The following ERC1 variants were observed in gnomAD, a reference collection of about 807,000 sequenced individuals.
ERC1 encodes ELKS/RAB6-interacting/CAST family member 1, also known as RAB6 interacting protein 2.
ERC1 carries 56 observed loss-of-function variants against 132.0 expected under a neutral mutation model. The observed-to-expected ratio is 0.42, with a 90% CI of 0.34 to 0.53. The LOEUF is 0.53. Among genes scored for constraint, ERC1 ranks in the 20% least tolerant of loss-of-function variants. ERC1 has a pLI of 0.03. For synonymous variants in ERC1, 478 were observed against 476.1 expected, an observed-to-expected ratio of 1.00 and a Z score of -0.05; for missense variants, 1,202 against 1,349.9, an observed-to-expected ratio of 0.89 and a Z score of 1.72.
chr12:1,003,948 C>T (rs1049154992), intron 1 of ERC1, among the ~76,000 whole-genome samples: 2 of 152,194 alleles, frequency 1.3e-5, no homozygotes, highest in Non-Finnish European at 1.5e-5. Flanking sequence ...GTTTTGTATT[C>T]TACAGCGCTG....
intron 13 of ERC1, among the ~76,000 whole-genome samples, chr12:1,243,770 C>G (rs1176903210): frequency 1.3e-5 from 2 of 152,088 alleles, no homozygotes; most frequent in African/African-American, 2.4e-5. Flanking sequence ...CGGATAGCCC[C>G]CACGGCAAAG....
intron 7 of ERC1, among the ~76,000 whole-genome samples, chr12:1,140,715 C>G (rs754401206): frequency 6.6e-6 from 1 of 152,152 alleles, no homozygotes; most frequent in African/African-American, 2.4e-5. Flanking sequence ...TTGCACTGTT[C>G]AGTCTGGTAG....
intron 15 of ERC1, among the ~76,000 whole-genome samples, chr12:1,355,886 A>C (rs1355764108): frequency 6.6e-6 from 1 of 152,146 alleles, no homozygotes; most frequent in Non-Finnish European, 1.5e-5. Context: ...CGTAAGGTAA[A>C]ATAGAGGTGC....
intron 13 of ERC1, among the ~76,000 whole-genome samples, chr12:1,243,877 G>A (rs2075992560): frequency 6.6e-6 from 1 of 152,210 alleles, no homozygotes; most frequent in African/African-American, 2.4e-5. Context: ...TACTGTGGAT[G>A]AAGTTTTCAT....
chr12:1,196,831 TGTCTGTCTCTCTGTCTGTCTCTCTCTCA>T (rs1373961005), intron 12 of ERC1, among the ~76,000 whole-genome samples: 952 of 104,052 alleles, frequency 9.1e-3, no homozygotes, highest in Middle Eastern at 0.021. Context: ...TCTCTCTCTC[TGTCTGTCTCTCTGTCTGTCTCTCTCTCA>T]CTCTCTCTCT....
At chr12:1,019,424 C>T (rs61918692) in intron 1 of ERC1, among the ~76,000 whole-genome samples, 40,628 of 152,074 alleles carry the variant, frequency 0.27, 5,655 homozygotes, top group Middle Eastern at 0.38. Flanking sequence ...CGTGCCCAGC[C>T]AAGACATTTT....
At chr12:1,253,689 A>G (rs1487057479) in intron 13 of ERC1, among the ~76,000 whole-genome samples, 1 of 152,124 alleles carries the variant, frequency 6.6e-6, no homozygotes, top group African/African-American at 2.4e-5. Flanking sequence ...AGAAAAAAAA[A>G]GGCAGTGGAG....
intron 15 of ERC1, among the ~76,000 whole-genome samples, chr12:1,358,216 CAA>C (rs546951526): frequency 4.9e-5 from 3 of 61,732 alleles, no homozygotes; most frequent in Non-Finnish European, 7.2e-5. Flanking sequence ...CTTGTCTGTT[CAA>C]AAAAAAAAAA....
intron 12 of ERC1, among the ~76,000 whole-genome samples, chr12:1,198,772 GGAGA>G (rs138296601): frequency 6.6e-6 from 1 of 152,112 alleles, no homozygotes; most frequent in African/African-American, 2.4e-5. Context: ...ATGGCCGGCA[GGAGA>G]GAGAGAGCCA....
chr12:1,390,259 T>A (rs1050807249), intron 16 of ERC1, among the ~76,000 whole-genome samples: 2 of 152,152 alleles, frequency 1.3e-5, no homozygotes, highest in African/African-American at 4.8e-5. Context: ...GATAAACCTG[T>A]CTCTTGATAT....
At chr12:1,359,656 C>G (rs533113018) in intron 15 of ERC1, among the ~76,000 whole-genome samples, 1 of 152,254 alleles carries the variant, frequency 6.6e-6, no homozygotes, top group South Asian at 2.1e-4. Context: ...CCTAGCATAC[C>G]CTAAGCGTTC....
At chr12:1,205,976 C>G (rs553903053) in intron 12 of ERC1, among the ~76,000 whole-genome samples, 4 of 152,044 alleles carry the variant, frequency 2.6e-5, no homozygotes, top group Non-Finnish European at 5.9e-5. Context: ...ACATAATTCA[C>G]TGAGTTACAG....
At chr12:1,257,924 C>T (rs11836807) in intron 13 of ERC1, among the ~76,000 whole-genome samples, 7,783 of 151,732 alleles carry the variant, frequency 0.051, 456 homozygotes, top group African/African-American at 0.15. Context: ...AAGTGTTGTA[C>T]CTCCTTTTTT....
chr12:1,197,929 T>C (rs546466973), intron 12 of ERC1, among the ~76,000 whole-genome samples: 1 of 152,014 alleles, frequency 6.6e-6, no homozygotes, highest in Admixed American at 6.5e-5. Flanking sequence ...TTGTTTTGTT[T>C]TTGTTGCTTT....
intron 16 of ERC1, among the ~76,000 whole-genome samples, chr12:1,375,364 C>T (rs2087759162): frequency 6.6e-6 from 1 of 152,090 alleles, no homozygotes; most frequent in African/African-American, 2.4e-5. Flanking sequence ...GAGGTCTGCC[C>T]CCATGATCCA....
intron 7 of ERC1, among the ~76,000 whole-genome samples, chr12:1,118,555 A>T (rs889611525): frequency 1.3e-5 from 2 of 152,268 alleles, no homozygotes; most frequent in Non-Finnish European, 2.9e-5. Context: ...CCATCTCATC[A>T]TAAAAGATAA....
At chr12:1,061,583 A>G (rs1159886452) in intron 2 of ERC1, among the ~76,000 whole-genome samples, 3 of 152,154 alleles carry the variant, frequency 2.0e-5, no homozygotes, top group Non-Finnish European at 4.4e-5. Context: ...AGCCGGGGTG[A>G]CAGAGCAAGA....
At chr12:1,474,768 C>T (rs2093936888) in intron 18 of ERC1, among the ~76,000 whole-genome samples, 2 of 152,146 alleles carry the variant, frequency 1.3e-5, no homozygotes, top group Admixed American at 1.3e-4. Context: ...TCCCTGTAGC[C>T]AGTCGTAACC....
intron 15 of ERC1, among the ~76,000 whole-genome samples, chr12:1,313,056 A>G (rs2081424026): frequency 2.0e-5 from 3 of 152,146 alleles, no homozygotes; most frequent in African/African-American, 7.2e-5. Context: ...TTCTATTAAT[A>G]GGCAATTTGG....
Sources: gnomAD v4.1 joint callset for allele counts (sites outside exome capture counted in the v4.1 genomes callset) on GRCh38, gnomAD v4.1.1 for gene constraint, MANE v1.5 for transcripts, NCBI Gene and HGNC (gene_info 2026-07-23, HGNC 2026-07-21) for gene names.